Variants in GRIA4 observed in about 807,000 individuals in gnomAD.
GRIA4 encodes the protein glutamate ionotropic receptor AMPA type subunit 4.
GRIA4 carries 34 observed loss-of-function variants against 104.0 expected under a neutral mutation model. The observed-to-expected ratio is 0.33, with a 90% CI of 0.25 to 0.44. The LOEUF is 0.44. Among genes scored for constraint, GRIA4 ranks in the 20% least tolerant of loss-of-function variants. GRIA4 has a pLI of 1.00. For missense variants in GRIA4, 750 were observed against 1,096.5 expected (o/e 0.68, Z 4.46); for synonymous variants, 386 against 381.9 (o/e 1.01, Z -0.13).
chr11:105,903,340 A>ACTT (rs1471757319), intron 7 of GRIA4, among the ~76,000 whole-genome samples: 6 of 152,346 alleles, frequency 3.9e-5, no homozygotes, highest in African/African-American at 1.4e-4. Context: ...AAAGATAGAT[A>ACTT]CTTCAAGTCC....
intron 3 of GRIA4, among the ~76,000 whole-genome samples, chr11:105,693,507 A>C (rs1953162123): frequency 6.6e-6 from 1 of 152,180 alleles, no homozygotes; most frequent in African/African-American, 2.4e-5. Context: ...AATATTCTAG[A>C]GAGATGCAGG....
At chr11:105,711,946 T>C (rs1953927035) in intron 3 of GRIA4, among the ~76,000 whole-genome samples, 1 of 152,152 alleles carries the variant, frequency 6.6e-6, no homozygotes, top group Non-Finnish European at 1.5e-5. Flanking sequence ...GAGAATTAAA[T>C]GTAAAATATT....
intron 3 of GRIA4, among the ~76,000 whole-genome samples, chr11:105,719,903 T>G (rs1339507906): frequency 6.6e-6 from 1 of 152,102 alleles, no homozygotes; most frequent in African/African-American, 2.4e-5. Context: ...ACAGATCACA[T>G]TTGCTCACAT....
At chr11:105,886,986 G>A (rs1348910640) in intron 5 of GRIA4, among the ~76,000 whole-genome samples, 2 of 149,858 alleles carry the variant, frequency 1.3e-5, no homozygotes, top group Non-Finnish European at 3.0e-5. Context: ...AAACACTACT[G>A]CATTCATATA....
At chr11:105,787,055 A>T (rs1484191630) in intron 4 of GRIA4, among the ~76,000 whole-genome samples, 1 of 152,152 alleles carries the variant, frequency 6.6e-6, no homozygotes. Context: ...GGTGATTTCC[A>T]TCCCTGCCAT....
In GRIA4 at chr11:105,659,267, C is replaced by A. The variant is rs59710417; in HGVS notation, c.247+46833C>A. ...AAGAAGCTACAATGCCAAGTACTTA[C>A]TTATGAAGACTCTCTTACATCTTAG... On this transcript the variant is annotated intron_variant, in intron 3 of 16. Coordinates refer to ENST00000282499, the MANE Select transcript of GRIA4 (RefSeq NM_000829.4). Among the ~76,000 whole-genome samples the A allele has an allele frequency of 4.4e-3, 671 of 152,052 alleles. 7 individuals carry two copies. Among genetic ancestry groups the A allele is most frequent in the African/African-American group, 0.015 (636 of 41,508 alleles).
intron 4 of GRIA4, among the ~76,000 whole-genome samples, chr11:105,766,407 T>C (rs1045808021): frequency 4.6e-5 from 7 of 151,472 alleles, no homozygotes; most frequent in African/African-American, 1.7e-4. Flanking sequence ...AAATAATGGA[T>C]TTTCACTTAT....
At chr11:105,898,207 T>C in intron 6 of GRIA4, 62 bp from the exon 7 acceptor site, 1 of 776,012 alleles carries the variant, frequency 1.3e-6, no homozygotes, top group Non-Finnish European at 2.2e-6. Flanking sequence ...TTTATGTTAC[T>C]ATTGAAGAGC....
rs1946306903 is a variant in GRIA4, at chr11:105,887,523, T to C, written c.677T>C (p.Val226Ala). 1 of 1,368,308 alleles carries C rather than the reference T, an allele frequency of 7.3e-7. No individual in the cohort carries two copies. Among genetic ancestry groups the C allele is most frequent in the Non-Finnish European group, 1.0e-6 (1 of 971,336 alleles). The allele number at this position is 1,368,308 out of a possible 1,614,324, so 84.8% of individuals were successfully genotyped here. ...TATTTGCTTATATCTTCACAGATTGTAAGTGTTGGAAAGCATGTTAAAGGC... is the reference window on the plus strand; with the variant it reads ...TATTTGCTTATATCTTCACAGATTGCAAGTGTTGGAAAGCATGTTAAAGGC... ...ERLQNILEQI[V>A]SVGKHVKGYH... is the part of the protein sequence containing the mutation. Residue 226 changes from valine (V) to alanine (A), a missense_variant, in exon 6 of 17, where the codon GTA becomes GCA. Physicochemically the swap from Val to Ala is moderately conservative, Grantham distance 64. Around this residue, in one of 3 missense-constraint regions of GRIA4, gnomAD observed 410 missense variants for 502.7 expected, o/e 0.82. Coordinates refer to ENST00000282499, the MANE Select transcript of GRIA4 (RefSeq NM_000829.4).
intron 4 of GRIA4, among the ~76,000 whole-genome samples, chr11:105,810,943 C>T (rs1943147865): frequency 6.6e-6 from 1 of 152,060 alleles, no homozygotes; most frequent in Admixed American, 6.5e-5. Flanking sequence ...TTGATTACTG[C>T]TTATTTTTTT....
chr11:105,911,775 A>AATATATATAT (rs60005308), intron 10 of GRIA4: 1,182 of 74,516 alleles, frequency 0.016, 66 homozygotes, highest in African/African-American at 0.044. Context: ...CTTGAAAAGC[A>AATATATATAT]ATATATATAT....
chr11:105,943,173 T>C (rs993181905), intron 14 of GRIA4, among the ~76,000 whole-genome samples: 2 of 152,160 alleles, frequency 1.3e-5, no homozygotes, highest in Admixed American at 6.6e-5. Flanking sequence ...CTTTACTAAA[T>C]AGCTGCTTTT....
intron 6 of GRIA4, among the ~76,000 whole-genome samples, chr11:105,889,250 G>T (rs1204634336): frequency 6.6e-6 from 1 of 152,158 alleles, no homozygotes; most frequent in Admixed American, 6.5e-5. Context: ...GGAGATGGCA[G>T]TGTATTTAAG....
intron 4 of GRIA4, among the ~76,000 whole-genome samples, chr11:105,828,277 C>A (rs1187828735): frequency 1.3e-5 from 2 of 151,990 alleles, no homozygotes; most frequent in South Asian, 4.1e-4. Flanking sequence ...ACCTCCAAGA[C>A]TGTTTTATTC....
chr11:105,945,016 T>C (rs1296096302), intron 14 of GRIA4, among the ~76,000 whole-genome samples: 1 of 152,222 alleles, frequency 6.6e-6, no homozygotes, highest in African/African-American at 2.4e-5. Flanking sequence ...TCAGATTTAG[T>C]ATTGCTTCAA....
At chr11:105,760,235 T>C (rs930079533) in intron 4 of GRIA4, among the ~76,000 whole-genome samples, 4 of 152,152 alleles carry the variant, frequency 2.6e-5, no homozygotes, top group African/African-American at 9.7e-5. Context: ...TTACTCCATG[T>C]TTTCCCTTCA....
chr11:105,903,015 T>C (rs1946914065), intron 7 of GRIA4, among the ~76,000 whole-genome samples: 1 of 152,204 alleles, frequency 6.6e-6, no homozygotes, highest in African/African-American at 2.4e-5. Flanking sequence ...TCTCAATCTT[T>C]CCTCACTTTT....
rs571746572 is a variant in GRIA4 at position 105,795,349 on chromosome 11, C to T, written c.487+42129C>T. On this transcript the variant is annotated intron_variant, in intron 4 of 16. Coordinates refer to ENST00000282499, the MANE Select transcript of GRIA4 (RefSeq NM_000829.4). ...AAGAATACGATGTTATCACCATACA[C>T]GCACATAGTAGTTCAGAGTGGTCTT... is the stretch of plus-strand genomic sequence containing the variant. 8.5e-5 allele frequency among the ~76,000 whole-genome samples: 13 copies of T among 152,212 alleles called. No homozygotes were observed. In the South Asian group the frequency reaches 2.5e-3, roughly 29 times the overall value.
chr11:105,612,746 C>T, intron 3 of GRIA4: 1 of 237,560 alleles, frequency 4.2e-6, no homozygotes, highest in Non-Finnish European at 8.0e-6. Flanking sequence ...TAGTGTTATT[C>T]CTATCATCCG....
Sources: allele counts gnomAD v4.1 joint callset (sites outside exome capture counted in the v4.1 genomes callset), GRCh38; gene constraint gnomAD v4.1.1; regional missense constraint gnomAD v4.1.1; transcripts MANE v1.5; gene names NCBI Gene and HGNC (gene_info 2026-07-23, HGNC 2026-07-21).